TARBP1: variants seen among roughly 807,000 people sequenced by gnomAD.
The protein encoded by TARBP1 is tRNA guanosine 2 -O-methyltransferase TARBP1.
In TARBP1, 144 loss-of-function variants were observed where a neutral mutation model predicts 178.6. The observed-to-expected ratio is 0.81, with a 90% CI of 0.70 to 0.93. The LOEUF (loss-of-function observed/expected upper bound fraction) is 0.93, where lower values mean the gene tolerates loss of function less well. TARBP1 is among the 40% of genes least tolerant of loss of function. The pLI is 0.00. For missense variants in TARBP1, 2,067 were observed against 2,011.7 expected, an observed-to-expected ratio of 1.03 and a Z score of -0.53; for synonymous variants, 787 against 781.0, an observed-to-expected ratio of 1.01 and a Z score of -0.13.
intron 1 of TARBP1, among the ~76,000 whole-genome samples, chr1:234,477,490 A>T (rs1025801837): frequency 6.6e-6 from 1 of 152,232 alleles, no homozygotes; most frequent in African/African-American, 2.4e-5. Flanking sequence ...TTTAAACCCA[A>T]ATTTAACATG....
chr1:234,419,349 G>A (rs1206880410), intron 21 of TARBP1, among the ~76,000 whole-genome samples: 2 of 152,144 alleles, frequency 1.3e-5, no homozygotes, highest in Admixed American at 6.5e-5. Flanking sequence ...ACATTTTGTA[G>A]TTAGGCTTGA....
In TARBP1 at chr1:234,437,368, C is replaced by T; in HGVS notation, c.2139G>A (p.Glu713=). 6.5e-7 allele frequency: 1 copy of T among 1,549,922 alleles called. No homozygotes were observed. Among genetic ancestry groups the T allele is most frequent in the South Asian group, 1.3e-5 (1 of 79,320 alleles). ...AAAAGTTCTGAAGAACAGTAGACACCTCATCTGTATGGGGGCAAAAAGCAT... is the reference window on the plus strand; with the variant it reads ...AAAAGTTCTGAAGAACAGTAGACACTTCATCTGTATGGGGGCAAAAAGCAT... ...RLKGSSAQDD[E]VSTVLQNFFM... is the part of the protein sequence containing the mutation. Residue 713 remains glutamate, a synonymous_variant, in exon 13 of 30, where the codon GAG becomes GAA. Transcript: ENST00000040877.
rs1669839070 is a variant in TARBP1 at position 234,478,770 on chromosome 1, C to T, written c.334G>A (p.Gly112Arg). Reference protein sequence around the residue: ...AALRSCVRLAGRPQLAAALAE... With the variant: ...AALRSCVRLARRPQLAAALAE... ...AGCGCGGCCGCCAGCTGCGGACGCC[C>T]GGCCAGGCGGACGCACGAGCGCAGG... Residue 112 changes from glycine (G) to arginine (R), a missense_variant, in exon 1 of 30, where the codon GGG (glycine) becomes AGG (arginine). Gly to Arg is a moderately radical substitution (Grantham distance 125). Coordinates refer to ENST00000040877, the MANE Select transcript of TARBP1 (RefSeq NM_005646.4). 2 of 1,123,684 alleles carry T rather than the reference C, an allele frequency of 1.8e-6. No homozygotes were observed. Among genetic ancestry groups the T allele is most frequent in the East Asian group, 5.0e-5 (1 of 19,976 alleles). 69.6% of individuals were successfully genotyped at this position (1,123,684 alleles called of 1,614,324 possible).
intron 12 of TARBP1, among the ~76,000 whole-genome samples, chr1:234,440,420 G>A (rs1428973206): frequency 2.1e-4 from 31 of 150,968 alleles, no homozygotes; most frequent in Admixed American, 1.7e-3. Flanking sequence ...CTTTGAAAAG[G>A]TCAATAAAAT....
At chr1:234,402,700 G>T (rs760527831) in intron 24 of TARBP1, among the ~76,000 whole-genome samples, 2 of 151,882 alleles carry the variant, frequency 1.3e-5, no homozygotes, top group African/African-American at 2.4e-5. Context: ...TCAGCCTCCC[G>T]AGGTGCTGGG....
chr1:234,395,765 TG>T (rs1659874892), intron 26 of TARBP1, among the ~76,000 whole-genome samples: 3 of 152,170 alleles, frequency 2.0e-5, no homozygotes, highest in Non-Finnish European at 4.4e-5. Flanking sequence ...AGAAGAAGAC[TG>T]GGCCCGTGAA....
intron 6 of TARBP1, among the ~76,000 whole-genome samples, chr1:234,461,859 T>C (rs764363811): frequency 1.6e-4 from 25 of 152,246 alleles, no homozygotes; most frequent in Non-Finnish European, 2.9e-4. Flanking sequence ...TCATCTCATG[T>C]AGTTAGTGAA....
chr1:234,478,397 A>C lies in TARBP1; in HGVS notation c.707T>G (p.Leu236Arg). 1 of 1,354,008 alleles carries C rather than the reference A, an allele frequency of 7.4e-7. No homozygotes were observed. 83.9% of individuals were successfully genotyped at this position (1,354,008 alleles called of 1,614,324 possible). A position where few individuals can be genotyped will look rare whatever the true frequency, so the allele number is the denominator to read the frequency against. Reference protein sequence around the residue: ...VEEKLLVLSALAEKLLPEPGG... With the variant: ...VEEKLLVLSARAEKLLPEPGG... ...GGGCTCGGGCAACAGCTTCTCGGCCAGGGCGCTCAGGACCAGCAGCTTCTC... is the reference window on the plus strand; with the variant it reads ...GGGCTCGGGCAACAGCTTCTCGGCCCGGGCGCTCAGGACCAGCAGCTTCTC... The change falls in exon 1 of 30, where the codon CTG becomes CGG. Residue 236 changes from leucine to arginine, a missense_variant. By Grantham distance (102) the Leu-to-Arg change is moderately radical (BLOSUM62 -2). Coordinates refer to ENST00000040877, the MANE Select transcript of TARBP1 (RefSeq NM_005646.4).
Position 234,412,421 on chromosome 1 carries a change from C to CA in TARBP1, c.3706-1891dup, listed in dbSNP as rs746099418. On this transcript the variant is annotated intron_variant, in intron 22 of 29. Transcript: ENST00000040877. ...TGGGGGACAGAGACAGACGCCGTCT[C>CA]AAAAAAAAAAAAAAAGACAATATGG... 5.4e-3 allele frequency among the ~76,000 whole-genome samples: 496 copies of CA among 92,348 alleles called. 4 individuals carry two copies. The highest frequency in any genetic ancestry group is 5.8e-3 in the Non-Finnish European group (257 of 44,312). 60.6% of individuals were successfully genotyped at this position (92,348 alleles called of 152,430 possible). A position where few individuals can be genotyped will look rare whatever the true frequency, so the allele number is the denominator to read the frequency against.
At chr1:234,460,188 A>C in intron 7 of TARBP1, 73 bp downstream of exon 7, 1 of 1,471,278 alleles carries the variant, frequency 6.8e-7, no homozygotes, top group Non-Finnish European at 9.1e-7. Flanking sequence ...AGATTAAAGC[A>C]GAGGAGAAAA....
chr1:234,426,979 A>G (rs1226426523), intron 19 of TARBP1, among the ~76,000 whole-genome samples: 2 of 152,376 alleles, frequency 1.3e-5, no homozygotes, highest in African/African-American at 4.8e-5. Flanking sequence ...TACTGCCAAA[A>G]AAAGGACTGG....
chr1:234,409,125 T>C (rs1661552309), intron 23 of TARBP1, among the ~76,000 whole-genome samples: 1 of 152,168 alleles, frequency 6.6e-6, no homozygotes, highest in Non-Finnish European at 1.5e-5. Context: ...GTAAATCAAC[T>C]TGGCCTTTTC....
At position 234,478,746 on chromosome 1, in the gene TARBP1, G is replaced by A; in HGVS notation, c.358C>T (p.Leu120=). 8.5e-7 allele frequency: 1 copy of A among 1,170,896 alleles called. No homozygotes were observed. The highest frequency in any genetic ancestry group is 1.1e-6 in the Non-Finnish European group (1 of 950,114). 72.5% of individuals were successfully genotyped at this position (1,170,896 alleles called of 1,614,324 possible). A position where few individuals can be genotyped will look rare whatever the true frequency, so the allele number is the denominator to read the frequency against. The part of the protein sequence containing the change: ...LAGRPQLAAA[L]AEEALRDLLA... ...AGATCGCGCAGCGCCTCCTCAGCCA[G>A]CGCGGCCGCCAGCTGCGGACGCCCG... The change falls in exon 1 of 30, where the codon CTG becomes TTG. Residue 120 remains leucine, a synonymous_variant. Coordinates refer to ENST00000040877, the MANE Select transcript of TARBP1 (RefSeq NM_005646.4).
At chr1:234,400,547 G>A (rs752134132) in intron 25 of TARBP1, among the ~76,000 whole-genome samples, 9 of 152,094 alleles carry the variant, frequency 5.9e-5, no homozygotes, top group Non-Finnish European at 1.3e-4. Flanking sequence ...TTCTTCAGAG[G>A]AAAAGCCCTA....
At chr1:234,405,645 G>C (rs1255941695) in intron 24 of TARBP1, among the ~76,000 whole-genome samples, 1 of 152,194 alleles carries the variant, frequency 6.6e-6, no homozygotes, top group African/African-American at 2.4e-5. Flanking sequence ...ACAGGTACAA[G>C]TATGTAGAAG....
intron 9 of TARBP1, among the ~76,000 whole-genome samples, chr1:234,455,869 C>T (rs894259291): frequency 1.1e-4 from 17 of 151,764 alleles, no homozygotes; most frequent in African/African-American, 3.6e-4. Flanking sequence ...CCACTAAAAT[C>T]CCAAAACAAA....
chr1:234,429,581 T>G lies in TARBP1; in HGVS notation c.2706A>C (p.Lys902Asn), dbSNP rs1664179922. The change falls in exon 16 of 30, where the codon AAA becomes AAC. Residue 902 changes from lysine to asparagine, a missense_variant. Physicochemically the swap from Lys to Asn is moderately conservative, Grantham distance 94. Transcript: ENST00000040877. Reference sequence around the variant, plus strand: ...CTGTGGTTGGTATAAGGGTGTGATATTTTTTCAACAGGAAAGAGAGGCACA... The same window carrying G: ...CTGTGGTTGGTATAAGGGTGTGATAGTTTTTCAACAGGAAAGAGAGGCACA... Reference protein sequence around the residue: ...QWVCLSFLLKKYHTLIPTTGS... With the variant: ...QWVCLSFLLKNYHTLIPTTGS... 1 of 1,614,000 alleles carries G rather than the reference T, an allele frequency of 6.2e-7. No individual in the cohort carries two copies. The highest frequency in any genetic ancestry group is 8.5e-7 in the Non-Finnish European group (1 of 1,180,042).
At chr1:234,421,974 A>G (rs569839566) in intron 20 of TARBP1, among the ~76,000 whole-genome samples, 69 of 152,318 alleles carry the variant, frequency 4.5e-4, no homozygotes, top group South Asian at 3.1e-3. Flanking sequence ...ATTAATATAG[A>G]TTTTAATGAC....
At chr1:234,467,159 C>G (rs1051390417) in intron 4 of TARBP1, among the ~76,000 whole-genome samples, 2 of 152,178 alleles carry the variant, frequency 1.3e-5, no homozygotes, top group African/African-American at 4.8e-5. Context: ...AAATAACAGT[C>G]ATCAGTGGCT....
Sources: gnomAD v4.1 joint callset for allele counts (sites outside exome capture counted in the v4.1 genomes callset) on GRCh38, gnomAD v4.1.1 for gene constraint, MANE v1.5 for transcripts, NCBI Gene and HGNC (gene_info 2026-07-23, HGNC 2026-07-21) for gene names.